PLEKHG1: variants seen among roughly 807,000 people sequenced by gnomAD.
The protein encoded by PLEKHG1 is pleckstrin homology domain-containing family G member 1.
PLEKHG1 carries 44 observed loss-of-function variants against 100.8 expected under a neutral mutation model. That is an observed-to-expected ratio of 0.44 (90% confidence interval 0.34 to 0.56). The LOEUF is 0.56. Among genes scored for constraint, PLEKHG1 ranks in the 20% least tolerant of loss-of-function variants. The probability of loss-of-function intolerance (pLI) is 0.01; values close to 1 mark genes in which losing one functional copy is unlikely to be tolerated. For synonymous variants in PLEKHG1, 640 were observed against 662.5 expected (o/e 0.97, Z 0.52); for missense variants, 1,545 against 1,720.9 (o/e 0.90, Z 1.81).
At chr6:150,643,012 G>T (rs767620796) in intron 2 of PLEKHG1, among the ~76,000 whole-genome samples, 5 of 152,124 alleles carry the variant, frequency 3.3e-5, no homozygotes, top group Non-Finnish European at 7.3e-5. Flanking sequence ...AAGGAAAATA[G>T]TGACGGAATC....
intron 3 of PLEKHG1, among the ~76,000 whole-genome samples, chr6:150,701,771 A>G (rs945597381): frequency 3.3e-5 from 5 of 151,776 alleles, no homozygotes; most frequent in African/African-American, 1.2e-4. Context: ...AAAAGAATAA[A>G]ATTAGTTTCA....
At chr6:150,784,902 G>A (rs1056550060) in intron 3 of PLEKHG1, among the ~76,000 whole-genome samples, 4 of 151,886 alleles carry the variant, frequency 2.6e-5, no homozygotes, top group Admixed American at 6.6e-5. Flanking sequence ...ACATTTAATC[G>A]AATCAAATTA....
At chr6:150,679,814 AG>A (rs955453949) in intron 3 of PLEKHG1, among the ~76,000 whole-genome samples, 22 of 152,210 alleles carry the variant, frequency 1.4e-4, no homozygotes, top group African/African-American at 5.3e-4. Flanking sequence ...AATGCCATAA[AG>A]GAAAAAAAAA....
rs192279471 is a variant in PLEKHG1, at chr6:150,736,574, G to T, written c.411+2482G>T. ...ACCTGAGGTCGGGAGTTCGAGACCA[G>T]CCTGGACAACATGGTGAAAGCCCAT... On this transcript the variant is annotated intron_variant, in intron 2 of 15. Transcript: ENST00000358517. 5.9e-3 allele frequency among the ~76,000 whole-genome samples: 899 copies of T among 152,252 alleles called. 11 individuals carry two copies. Among genetic ancestry groups the T allele is most frequent in the African/African-American group, 0.021 (854 of 41,538 alleles).
chr6:150,761,921 C>A (rs1264556477), intron 2 of PLEKHG1, among the ~76,000 whole-genome samples: 2 of 152,164 alleles, frequency 1.3e-5, no homozygotes, highest in Admixed American at 1.3e-4. Context: ...CAGCTCTCCC[C>A]CTTTCAGGAG....
chr6:150,773,843 A>G lies in PLEKHG1; in HGVS notation c.512+5105A>G, dbSNP rs960106916. Among the ~76,000 whole-genome samples, 3 of 152,368 alleles carry G rather than the reference A, an allele frequency of 2.0e-5. No homozygotes were observed. In the South Asian group the frequency reaches 6.2e-4, roughly 32 times the overall value. ...CCATCCATAAACATGTCTTCAAGCA[A>G]GCTTTTAAAATTTCCTTTAATATTT... On this transcript the variant is annotated intron_variant, in intron 3 of 15. Transcript: ENST00000358517.
intron 3 of PLEKHG1, among the ~76,000 whole-genome samples, chr6:150,666,810 G>C (rs1216441814): frequency 3.3e-5 from 5 of 151,540 alleles, no homozygotes; most frequent in Non-Finnish European, 7.4e-5. Flanking sequence ...GCCCAGGCTG[G>C]AGTGCAGTGG....
rs1382326219 is a variant in PLEKHG1 at position 150,831,773 on chromosome 6, G to C, written c.2662G>C (p.Val888Leu). 42 of 1,613,670 alleles carry C rather than the reference G, an allele frequency of 2.6e-5. No homozygotes were observed. The highest frequency in any genetic ancestry group is 3.6e-5 in the Non-Finnish European group (42 of 1,179,922). The change falls in exon 15 of 16, where the codon GTG becomes CTG. Residue 888 changes from valine (V) to leucine (L), a missense_variant. Val to Leu is a conservative substitution (Grantham distance 32, BLOSUM62 1). Transcript: ENST00000358517. The surrounding 1 kb of genome is among the most constrained non-coding windows in gnomAD (Gnocchi z 4.1). ...GCTGAGCCGGGACGTGGGGCGCTCT[G>C]TGTCCACGCTGTCCCTGCCTGAGAG...
chr6:150,728,801 C>CA (rs1017257126), intron 1 of PLEKHG1, among the ~76,000 whole-genome samples: 34 of 151,730 alleles, frequency 2.2e-4, no homozygotes, highest in African/African-American at 7.3e-4. Flanking sequence ...GAGGCTGAGG[C>CA]AGGAGAATTG....
intron 3 of PLEKHG1, among the ~76,000 whole-genome samples, chr6:150,682,643 C>T (rs141413216): frequency 1.3e-5 from 2 of 152,192 alleles, no homozygotes; most frequent in East Asian, 1.9e-4. Context: ...AACTCAGAAT[C>T]GGAAACTTCC....
intron 1 of PLEKHG1, among the ~76,000 whole-genome samples, chr6:150,619,779 G>A (rs753955107): frequency 3.3e-5 from 5 of 152,176 alleles, no homozygotes; most frequent in Non-Finnish European, 7.3e-5. Flanking sequence ...TCTACATTAT[G>A]TTCTTCACAG....
intron 14 of PLEKHG1, among the ~76,000 whole-genome samples, chr6:150,824,155 T>G (rs1192751420): frequency 6.6e-6 from 1 of 152,246 alleles, no homozygotes; most frequent in Non-Finnish European, 1.5e-5. Context: ...TATGATCGAA[T>G]GAGACTTTGT....
chr6:150,840,774 C>G, exon 16 of PLEKHG1: 1 of 1,614,114 alleles, frequency 6.2e-7, no homozygotes, highest in Non-Finnish European at 8.5e-7. Context: ...ATATCTGACA[C>G]CATATAATGA....
At chr6:150,653,427 G>T (rs557307960) in intron 3 of PLEKHG1, among the ~76,000 whole-genome samples, 1 of 151,984 alleles carries the variant, frequency 6.6e-6, no homozygotes, top group Admixed American at 6.6e-5. Context: ...GAGATTCAGT[G>T]ATTTGAATGC....
chr6:150,797,724 A>G (rs1029422861), intron 5 of PLEKHG1, among the ~76,000 whole-genome samples: 6 of 150,442 alleles, frequency 4.0e-5, no homozygotes, highest in African/African-American at 1.5e-4. Flanking sequence ...AATCCCAGCT[A>G]CTTGGGATGC....
At chr6:150,628,482 C>T (rs973261595) in intron 1 of PLEKHG1, among the ~76,000 whole-genome samples, 1 of 143,978 alleles carries the variant, frequency 6.9e-6, no homozygotes, top group Non-Finnish European at 1.5e-5. Context: ...TTCAAAGAGT[C>T]CTCAGCAAAT....
At chr6:150,724,558 CTTTTTT>C (rs34140367) in intron 1 of PLEKHG1, among the ~76,000 whole-genome samples, 1 of 100,474 alleles carries the variant, frequency 1.0e-5, no homozygotes, top group Non-Finnish European at 2.0e-5. Flanking sequence ...TTTTCTTTTT[CTTTTTT>C]TTTTTTTTTT....
At chr6:150,632,714 G>A (rs1777815389) in intron 1 of PLEKHG1, among the ~76,000 whole-genome samples, 1 of 152,246 alleles carries the variant, frequency 6.6e-6, no homozygotes, top group Admixed American at 6.5e-5. Context: ...TTGGTGACAG[G>A]ATACTGATAG....
chr6:150,815,541 CAGAG>C (rs1211449946), intron 10 of PLEKHG1, among the ~76,000 whole-genome samples: 1 of 152,154 alleles, frequency 6.6e-6, no homozygotes, highest in Non-Finnish European at 1.5e-5. Flanking sequence ...TTGCACTTCC[CAGAG>C]AGAGACTGAG....
Sources: allele counts gnomAD v4.1 joint callset (sites outside exome capture counted in the v4.1 genomes callset), GRCh38; gene constraint gnomAD v4.1.1; non-coding constraint Gnocchi (gnomAD v3.1); transcripts MANE v1.5; gene names NCBI Gene and HGNC (gene_info 2026-07-23, HGNC 2026-07-21).